The following MYBPC1 variants were observed in gnomAD, a reference collection of about 807,000 sequenced individuals.
MYBPC1 encodes the protein myosin binding protein C1.
MYBPC1 carries 52 observed loss-of-function variants against 147.1 expected under a neutral mutation model. That is an observed-to-expected ratio of 0.35 (90% CI 0.28 to 0.45). MYBPC1 has a LOEUF of 0.45. MYBPC1 is among the 20% of genes least tolerant of loss of function. The pLI, the probability that MYBPC1 is intolerant of heterozygous loss-of-function variation, is 1.00. For missense variants in MYBPC1, 1,228 were observed against 1,440.3 expected, an observed-to-expected ratio of 0.85 and a Z score of 2.39; for synonymous variants, 477 against 475.9, an observed-to-expected ratio of 1.00 and a Z score of -0.03.
intron 18 of MYBPC1, among the ~76,000 whole-genome samples, chr12:101,654,726 C>A (rs1011765324): frequency 6.6e-6 from 1 of 152,186 alleles, no homozygotes. Context: ...GAGAAGTGGA[C>A]TGGCACTCAC....
Position 101,662,440 on chromosome 12 carries a change from G to A in MYBPC1, c.2115G>A (p.Glu705=), listed in dbSNP as rs781371677. The change falls in exon 21 of 32, where the codon GAG becomes GAA. Residue 705 remains glutamate, a synonymous_variant. Transcript: ENST00000361466. ...NFDLCKETTF[E]PKKMIEGVAY... is the part of the protein sequence containing the mutation. ...ATCTCTGCAAAGAAACAACTTTTGA[G>A]CCCAAGAAGATGATTGAAGGTGTGG... is the stretch of plus-strand genomic sequence containing the variant. 18 of 1,614,118 alleles carry A rather than the reference G, an allele frequency of 1.1e-5. No individual in the cohort carries two copies. Among genetic ancestry groups the A allele is most frequent in the Non-Finnish European group, 1.4e-5 (17 of 1,180,056 alleles).
At chr12:101,634,505 A>G (rs1244288589) in intron 8 of MYBPC1, 49 bp from the exon 9 acceptor site, 2 of 1,465,844 alleles carry the variant, frequency 1.4e-6, no homozygotes, top group Non-Finnish European at 1.9e-6. Flanking sequence ...CTGAACACAA[A>G]CTACCTCCTT....
At chr12:101,676,946 G>A (rs1900133146) in intron 26 of MYBPC1, among the ~76,000 whole-genome samples, 1 of 151,956 alleles carries the variant, frequency 6.6e-6, no homozygotes. Context: ...ACACCTAAAG[G>A]TTATGAAAAA....
At chr12:101,632,610 T>C (rs1007432796) in intron 8 of MYBPC1, among the ~76,000 whole-genome samples, 7 of 152,202 alleles carry the variant, frequency 4.6e-5, no homozygotes, top group Non-Finnish European at 7.3e-5. Flanking sequence ...ATGCATACGA[T>C]GAGGTTGGAA....
At chr12:101,610,962 G>A (rs74774197) in intron 1 of MYBPC1, among the ~76,000 whole-genome samples, 1,780 of 152,306 alleles carry the variant, frequency 0.012, 39 homozygotes, top group African/African-American at 0.041. Context: ...GCAAAATGGA[G>A]ATAATCATAG....
chr12:101,692,686 T>C, the MYBPC1 span, among the ~76,000 whole-genome samples: 19 of 152,086 alleles, frequency 1.2e-4, no homozygotes, highest in Non-Finnish European at 2.5e-4. Flanking sequence ...GGGGGAAACA[T>C]TGTATATATC....
chr12:101,661,123 T>G (rs762311969), intron 19 of MYBPC1, 35 bp from the exon 20 acceptor site: 1 of 1,438,392 alleles, frequency 7.0e-7, no homozygotes, highest in Non-Finnish European at 9.8e-7. Context: ...TCCCTCTTCC[T>G]TATTTTACTT....
At position 101,682,446 on chromosome 12, in the gene MYBPC1, T is replaced by C. The variant is rs988782875; in HGVS notation, c.3434-158T>C. Among the ~76,000 whole-genome samples the C allele has an allele frequency of 2.4e-4, 37 of 152,326 alleles. 1 individual carries two copies. Among genetic ancestry groups the C allele is most frequent in the African/African-American group, 7.9e-4 (33 of 41,576 alleles). On this transcript the variant is annotated intron_variant, in intron 29 of 31. Transcript: ENST00000361466. Reference sequence around the variant, plus strand: ...GTAATAAAGTATCAATTGTGATATATTGATAAAAGCTTTTGGTCCTAAAAG... The same window carrying C: ...GTAATAAAGTATCAATTGTGATATACTGATAAAAGCTTTTGGTCCTAAAAG...
Position 101,651,394 on chromosome 12 carries a change from G to A in MYBPC1, c.1526+1G>A. 1 of 1,614,008 alleles carries A rather than the reference G, an allele frequency of 6.2e-7. No individual in the cohort carries two copies. Among genetic ancestry groups the A allele is most frequent in the Non-Finnish European group, 8.5e-7 (1 of 1,179,892 alleles). ...GTCTAAAGGTGGTTCACAAGGGAAG[G>A]TAAGCGAGCCAGGTGACCCGCAAGT... On this transcript the variant is annotated splice_donor_variant, in intron 16 of 31. Transcript: ENST00000361466. LOFTEE classifies it high-confidence loss of function.
intron 24 of MYBPC1, among the ~76,000 whole-genome samples, chr12:101,672,225 C>T (rs1898890720): frequency 6.6e-6 from 1 of 152,176 alleles, no homozygotes; most frequent in African/African-American, 2.4e-5. Context: ...TGAGCATCCC[C>T]AACCACTCTT....
At chr12:101,612,063 G>A (rs1018856728) in intron 1 of MYBPC1, among the ~76,000 whole-genome samples, 15 of 142,420 alleles carry the variant, frequency 1.1e-4, no homozygotes, top group African/African-American at 3.0e-4. Flanking sequence ...GCGACAGAGC[G>A]AGACTCCATC....
intron 22 of MYBPC1, chr12:101,664,439 C>A (rs559390802): frequency 2.2e-4 from 33 of 152,296 alleles, no homozygotes; most frequent in African/African-American, 7.9e-4. Flanking sequence ...TGGCCCAAGA[C>A]TTCACCTCCA....
chr12:101,688,447 T>C (rs974426246), downstream of MYBPC1, among the ~76,000 whole-genome samples: 1 of 152,116 alleles, frequency 6.6e-6, no homozygotes, highest in Non-Finnish European at 1.5e-5. Context: ...AGGTTCACGT[T>C]TCTTTATTTA....
intron 30 of MYBPC1, among the ~76,000 whole-genome samples, chr12:101,683,282 T>C (rs1951138610): frequency 6.6e-6 from 1 of 151,986 alleles, no homozygotes; most frequent in Non-Finnish European, 1.5e-5. Context: ...GTACAAAACT[T>C]AGCCAGGTGT....
In MYBPC1 at chr12:101,629,558, A is replaced by G; in HGVS notation, c.289+14A>G. ...CAGTGAAAGTTGGTGAGTGCCTAGC[A>G]TTCAATCCTTCCTTTTTTAAAAAAT... On this transcript the variant is annotated intron_variant, in intron 6 of 31. Transcript: ENST00000361466. 2 of 1,571,586 alleles carry G rather than the reference A, an allele frequency of 1.3e-6. No individual in the cohort carries two copies. Among genetic ancestry groups the G allele is most frequent in the Non-Finnish European group, 1.8e-6 (2 of 1,141,772 alleles).
In MYBPC1 at chr12:101,595,081, C is replaced by T. The variant is rs1417519651; in HGVS notation, c.11C>T (p.Pro4Leu). 32 of 1,612,474 alleles carry T rather than the reference C, an allele frequency of 2.0e-5. No homozygotes were observed. Among genetic ancestry groups the T allele is most frequent in the Non-Finnish European group, 2.7e-5 (32 of 1,179,022 alleles). Residue 4 changes from proline to leucine, a missense_variant, in exon 1 of 32, where the codon CCC becomes CTC. Transcript: ENST00000361466. MPE[P>L]TKKEENEVPA... is the part of the protein sequence containing the mutation. ...CATCTTATTGTGGCCATGCCAGAAC[C>T]CACTAAGAAAGAGGGTAAGACTTAT...
At chr12:101,677,895 T>G (rs1403014834) in intron 27 of MYBPC1, among the ~76,000 whole-genome samples, 1 of 152,274 alleles carries the variant, frequency 6.6e-6, no homozygotes, top group Non-Finnish European at 1.5e-5. Flanking sequence ...TGGTTCAGTT[T>G]CAGATGACCC....
chr12:101,616,372 C>A (rs1565900236), intron 2 of MYBPC1, among the ~76,000 whole-genome samples: 1 of 152,136 alleles, frequency 6.6e-6, no homozygotes, highest in Non-Finnish European at 1.5e-5. Context: ...TCAGTTACTG[C>A]CACTGAGCCA....
At chr12:101,676,501 T>G (rs1009947877) in intron 26 of MYBPC1, among the ~76,000 whole-genome samples, 2 of 152,180 alleles carry the variant, frequency 1.3e-5, no homozygotes, top group Non-Finnish European at 2.9e-5. Flanking sequence ...ATACCTGTAG[T>G]CCCAGCACTT....
Sources: gnomAD v4.1 joint callset for allele counts (sites outside exome capture counted in the v4.1 genomes callset) on GRCh38, gnomAD v4.1.1 for gene constraint, MANE v1.5 for transcripts, NCBI Gene and HGNC (gene_info 2026-07-23, HGNC 2026-07-21) for gene names.